Variants in WDR93 observed in about 807,000 individuals in gnomAD.
WDR93 encodes the protein WD repeat-containing protein 93.
A neutral mutation model predicts 82.9 loss-of-function variants in WDR93; 73 were observed. The observed-to-expected ratio is 0.88, with a 90% CI of 0.73 to 1.07. The LOEUF is 1.07. WDR93 is among the 50% of genes least tolerant of loss of function. The pLI, the probability that WDR93 is intolerant of heterozygous loss-of-function variation, is 0.00. For missense variants in WDR93, 738 were observed against 826.0 expected, an observed-to-expected ratio of 0.89 and a Z score of 1.31; for synonymous variants, 283 against 300.1, an observed-to-expected ratio of 0.94 and a Z score of 0.59.
At chr15:89,739,804 C>A (rs1467235926) in intron 16 of WDR93, among the ~76,000 whole-genome samples, 1 of 152,180 alleles carries the variant, frequency 6.6e-6, no homozygotes, top group African/African-American at 2.4e-5. Flanking sequence ...CATAATGTCT[C>A]TTCACGACTG....
In WDR93 at chr15:89,701,624, G is replaced by C. The variant is rs1001404317; in HGVS notation, c.-40-83G>C. On this transcript the variant is annotated intron_variant, in intron 1 of 16. Coordinates refer to ENST00000268130, the MANE Select transcript of WDR93 (RefSeq NM_020212.2). ...TCTGTGGAATAAGCAGTCCCTATAG[G>C]CTATTGTGCTAGAAAAGGATGATGT... 6 of 1,186,334 alleles carry C rather than the reference G, an allele frequency of 5.1e-6. No individual in the cohort carries two copies. The Admixed American group carries it at 8.9e-5, about 18-fold the overall frequency. The allele number at this position is 1,186,334 out of a possible 1,614,324, so 73.5% of individuals were successfully genotyped here.
At chr15:89,721,397 A>G (rs1447841618) in intron 7 of WDR93, 2 of 152,194 alleles carry the variant, frequency 1.3e-5, no homozygotes, top group African/African-American at 4.8e-5. Context: ...TCTCTGCAAA[A>G]CTAAATTAGC....
rs139677486 is a variant in WDR93, at chr15:89,705,821, G to C, written c.561+203G>C. Among the ~76,000 whole-genome samples, 1,337 of 152,276 alleles carry C rather than the reference G, an allele frequency of 8.8e-3. 29 individuals carry two copies. The highest frequency in any genetic ancestry group is 0.031 in the African/African-American group (1,274 of 41,564). On this transcript the variant is annotated intron_variant, in intron 4 of 16. Coordinates refer to ENST00000268130, the MANE Select transcript of WDR93 (RefSeq NM_020212.2). ...TGAATTCCTTGGATTTAGTTACCCT[G>C]TTGTCAAGAAAAGAAAATTAGCAAA...
intron 10 of WDR93, 141 bp downstream of exon 10, chr15:89,729,234 GC>G: frequency 1.3e-6 from 1 of 775,666 alleles, no homozygotes; most frequent in South Asian, 1.6e-5. Context: ...GCCAGCTGTA[GC>G]CTGTCAGTTT....
At chr15:89,742,211 A>AC (rs1247668572) in intron 16 of WDR93, among the ~76,000 whole-genome samples, 2 of 152,198 alleles carry the variant, frequency 1.3e-5, no homozygotes, top group Admixed American at 1.3e-4. Flanking sequence ...ACATAGTGAG[A>AC]CCCCATCTCT....
At chr15:89,738,261 C>A (rs765561662) in intron 16 of WDR93, 25 bp downstream of exon 16, 9 of 1,555,352 alleles carry the variant, frequency 5.8e-6, no homozygotes, top group South Asian at 3.6e-5. Context: ...GTCTTCACCC[C>A]CTCCCACATC....
At chr15:89,718,957 TC>T (rs1342605733) in intron 7 of WDR93, among the ~76,000 whole-genome samples, 2 of 152,246 alleles carry the variant, frequency 1.3e-5, no homozygotes, top group Non-Finnish European at 2.9e-5. Flanking sequence ...TGTATTTACA[TC>T]TTACGTTTAT....
At chr15:89,739,759 C>T (rs1260051212) in intron 16 of WDR93, among the ~76,000 whole-genome samples, 1 of 152,158 alleles carries the variant, frequency 6.6e-6, no homozygotes, top group Non-Finnish European at 1.5e-5. Context: ...ATGTATGTAA[C>T]GTGACCTCTG....
intron 15 of WDR93, 120 bp from the exon 16 acceptor site, chr15:89,737,921 C>A: frequency 7.5e-7 from 1 of 1,340,340 alleles, no homozygotes; most frequent in Non-Finnish European, 1.0e-6. Flanking sequence ...GAAGTCACAG[C>A]TCAACCCAGA....
rs61313047 is a variant in WDR93, at chr15:89,694,530, C to A, written c.-41+3673C>A. On this transcript the variant is annotated intron_variant, in intron 1 of 16. Coordinates refer to ENST00000268130, the MANE Select transcript of WDR93 (RefSeq NM_020212.2). ...GATTACAGGCGTGAGCCACTGCACC[C>A]GGCCGGGTTACTTCTTTTATTACTG... Among the ~76,000 whole-genome samples, 54 of 152,216 alleles carry A rather than the reference C, an allele frequency of 3.5e-4. 1 individual carries two copies. The East Asian group carries it at 7.9e-3, about 22-fold the overall frequency.
At chr15:89,742,775 C>T (rs1030298735) in intron 16 of WDR93, among the ~76,000 whole-genome samples, 6 of 152,196 alleles carry the variant, frequency 3.9e-5, no homozygotes, top group South Asian at 2.1e-4. Flanking sequence ...TCAGGTGATC[C>T]GCCTGCCTTG....
At chr15:89,715,819 C>T (rs1251974823) in intron 6 of WDR93, among the ~76,000 whole-genome samples, 7 of 152,122 alleles carry the variant, frequency 4.6e-5, no homozygotes, top group East Asian at 3.8e-4. Flanking sequence ...CTCCTGACCT[C>T]GTGATGTGCC....
At chr15:89,723,950 C>T (rs1212161748) in intron 8 of WDR93, among the ~76,000 whole-genome samples, 4 of 152,134 alleles carry the variant, frequency 2.6e-5, no homozygotes, top group Non-Finnish European at 5.9e-5. Flanking sequence ...GTAATCCCAG[C>T]ACTTTGGGAG....
At chr15:89,736,420 TAC>T (rs1967178050) in intron 14 of WDR93, among the ~76,000 whole-genome samples, 1 of 152,200 alleles carries the variant, frequency 6.6e-6, no homozygotes, top group Admixed American at 6.5e-5. Flanking sequence ...ACCAGCCAGG[TAC>T]AGTTAGTGAG....
At chr15:89,732,866 TTC>T in intron 12 of WDR93, 138 bp from the exon 13 acceptor site, 1 of 750,884 alleles carries the variant, frequency 1.3e-6, no homozygotes, top group Admixed American at 2.1e-5. Flanking sequence ...TTTACTGATT[TTC>T]TCTCACAGGG....
At chr15:89,705,169 T>G (rs922943573) in intron 3 of WDR93, 7 of 197,032 alleles carry the variant, frequency 3.6e-5, no homozygotes, top group Non-Finnish European at 5.1e-5. Context: ...CCTCAAAGAA[T>G]CTATGAATTC....
In WDR93 at chr15:89,731,485, C is replaced by G; in HGVS notation, c.1253C>G (p.Ser418Cys). 1.9e-6 allele frequency: 3 copies of G among 1,614,196 alleles called. No individual in the cohort carries two copies. Among genetic ancestry groups the G allele is most frequent in the Non-Finnish European group, 2.5e-6 (3 of 1,180,032 alleles). Residue 418 changes from serine to cysteine, a missense_variant, in exon 12 of 17, where the codon TCT becomes TGT. By Grantham distance (112) the Ser-to-Cys change is moderately radical. Transcript: ENST00000268130. ...VWPCAAPIAVSQLSCSSSYLV... is the reference protein window; with the variant it reads ...VWPCAAPIAVCQLSCSSSYLV... ...CCCTGTGCTGCGCCCATTGCAGTCTCTCAGCTCAGCTGCTCCTCCTCCTAC... is the reference window on the plus strand; with the variant it reads ...CCCTGTGCTGCGCCCATTGCAGTCTGTCAGCTCAGCTGCTCCTCCTCCTAC...
chr15:89,697,561 T>G (rs1383972745), intron 1 of WDR93, among the ~76,000 whole-genome samples: 1 of 152,230 alleles, frequency 6.6e-6, no homozygotes, highest in Non-Finnish European at 1.5e-5. Context: ...TGGAATATGG[T>G]TTGTCTTGGT....
At chr15:89,723,678 A>G (rs911982244) in intron 8 of WDR93, among the ~76,000 whole-genome samples, 1 of 152,376 alleles carries the variant, frequency 6.6e-6, no homozygotes, top group South Asian at 2.1e-4. Context: ...AGCAGGATAC[A>G]GAGACCAAAA....
Sources: gnomAD v4.1 joint callset for allele counts (sites outside exome capture counted in the v4.1 genomes callset) on GRCh38, gnomAD v4.1.1 for gene constraint, MANE v1.5 for transcripts, NCBI Gene and HGNC (gene_info 2026-07-23, HGNC 2026-07-21) for gene names.